The following CNTLN variants were observed in gnomAD, a reference collection of about 807,000 sequenced individuals.
The protein encoded by CNTLN is centlein, centrosomal protein.
Under a neutral mutation model 180.0 loss-of-function variants are expected in CNTLN, and 212 were observed. That is an observed-to-expected ratio of 1.18 (90% confidence interval 1.05 to 1.32). CNTLN has a LOEUF of 1.32. Ranked by LOEUF, CNTLN falls within the 40% of genes most tolerant of loss-of-function variation. The pLI is 0.00. For synonymous variants in CNTLN, 722 were observed against 563.1 expected (o/e 1.28, Z -3.99); for missense variants, 2,095 against 1,610.9 (o/e 1.30, Z -5.14).
chr9:17,166,617 A>G (rs1820087020), intron 2 of CNTLN, among the ~76,000 whole-genome samples: 1 of 152,166 alleles, frequency 6.6e-6, no homozygotes, highest in African/African-American at 2.4e-5. Context: ...AGCCACATAC[A>G]TAGAGTTAAT....
At chr9:17,185,827 C>A (rs7850279) in intron 2 of CNTLN, among the ~76,000 whole-genome samples, 29,626 of 149,118 alleles carry the variant, frequency 0.2, 3,249 homozygotes, top group African/African-American at 0.3. Flanking sequence ...GGGTCCTGCT[C>A]TGTTGCCCAG....
chr9:17,332,177 C>T lies in CNTLN; in HGVS notation c.1519-428C>T, dbSNP rs1820689378. Among the ~76,000 whole-genome samples the T allele has an allele frequency of 2.0e-5, 3 of 151,934 alleles. No homozygotes were observed. In the South Asian group the frequency reaches 6.2e-4, roughly 31 times the overall value. ...TTTATATTCCTCAAGCATATTGTTC[C>T]TTCAACTTCACAGTGTGTTAAACTA... On this transcript the variant is annotated intron_variant, in intron 9 of 25. Transcript: ENST00000380647.
chr9:17,337,586 GGCACA>G (rs1821137643), intron 10 of CNTLN, among the ~76,000 whole-genome samples: 4 of 152,100 alleles, frequency 2.6e-5, no homozygotes, highest in Non-Finnish European at 5.9e-5. Flanking sequence ...TACAGAGTCT[GGCACA>G]TCATGAATGA....
At chr9:17,416,224 T>C (rs1195350466) in intron 18 of CNTLN, 35 bp downstream of exon 18, 25 of 1,486,276 alleles carry the variant, frequency 1.7e-5, no homozygotes, top group Middle Eastern at 1.8e-4. Context: ...AGTAGTATAC[T>C]ATATTGTAAA....
intron 6 of CNTLN, among the ~76,000 whole-genome samples, chr9:17,290,543 C>G (rs934173989): frequency 1.2e-4 from 17 of 141,192 alleles, no homozygotes; most frequent in South Asian, 2.6e-4. Context: ...CCACCCAGTT[C>G]GAGCTTCCTG....
intron 6 of CNTLN, among the ~76,000 whole-genome samples, chr9:17,291,640 C>G (rs1268588670): frequency 1.3e-5 from 2 of 152,020 alleles, no homozygotes. Context: ...CTGCTTTTTT[C>G]TGCTTTCCAT....
At chr9:17,177,711 C>T (rs1234516145) in intron 2 of CNTLN, among the ~76,000 whole-genome samples, 6 of 151,886 alleles carry the variant, frequency 4.0e-5, no homozygotes, top group East Asian at 3.9e-4. Context: ...TTTGTGGTCT[C>T]GATGGCTTCA....
At chr9:17,155,173 T>A (rs1819182177) in intron 2 of CNTLN, among the ~76,000 whole-genome samples, 1 of 152,202 alleles carries the variant, frequency 6.6e-6, no homozygotes, top group South Asian at 2.1e-4. Context: ...GAACAAACTC[T>A]GGACACACCA....
At chr9:17,354,368 C>T (rs1486130040) in intron 12 of CNTLN, among the ~76,000 whole-genome samples, 5 of 152,174 alleles carry the variant, frequency 3.3e-5, no homozygotes, top group Non-Finnish European at 4.4e-5. Context: ...AGCCCCGGTG[C>T]GGGATCCACT....
intron 13 of CNTLN, among the ~76,000 whole-genome samples, chr9:17,372,839 A>T (rs1187362606): frequency 6.6e-6 from 1 of 152,180 alleles, no homozygotes; most frequent in South Asian, 2.1e-4. Flanking sequence ...ACATTAATCA[A>T]TGTGATACAT....
rs149275214 is a variant in CNTLN at position 17,468,085 on chromosome 9, T to C, written c.3855+1194T>C. Among the ~76,000 whole-genome samples, 457 of 151,748 alleles carry C rather than the reference T, an allele frequency of 3.0e-3. 14 individuals are homozygous for C. The highest frequency in any genetic ancestry group is 2.8e-4 in the Non-Finnish European group (19 of 67,722). On this transcript the variant is annotated intron_variant, in intron 23 of 25. Transcript: ENST00000380647. ...ATAGAAAAGAATGAGATCAAGTCCTTTGCAGCAACTTGAATGGAGCTGGAG... is the reference window on the plus strand; with the variant it reads ...ATAGAAAAGAATGAGATCAAGTCCTCTGCAGCAACTTGAATGGAGCTGGAG...
intron 6 of CNTLN, among the ~76,000 whole-genome samples, chr9:17,297,322 C>A (rs1328285880): frequency 2.0e-5 from 3 of 152,146 alleles, no homozygotes; most frequent in Non-Finnish European, 4.4e-5. Context: ...TGTAAATTTT[C>A]ATATTCAAAG....
chr9:17,178,591 C>T (rs1820892786), intron 2 of CNTLN, among the ~76,000 whole-genome samples: 1 of 152,122 alleles, frequency 6.6e-6, no homozygotes, highest in Admixed American at 6.5e-5. Flanking sequence ...GCAGCTAAGG[C>T]CCGGTGAGAA....
At chr9:17,454,525 G>C (rs906899423) in intron 18 of CNTLN, among the ~76,000 whole-genome samples, 5 of 152,158 alleles carry the variant, frequency 3.3e-5, no homozygotes, top group African/African-American at 1.2e-4. Context: ...TCTGTCATGG[G>C]AGAAATTACC....
chr9:17,467,018 C>T, intron 23 of CNTLN, 127 bp downstream of exon 23: 1 of 545,522 alleles, frequency 1.8e-6, no homozygotes, highest in Non-Finnish European at 3.1e-6. Flanking sequence ...CTTCTTCTAC[C>T]CTATTTATCA....
intron 2 of CNTLN, chr9:17,167,526 G>C (rs1056338616): frequency 2.6e-5 from 4 of 152,192 alleles, no homozygotes; most frequent in Non-Finnish European, 5.9e-5. Flanking sequence ...AGGCCTGATA[G>C]AACCTAAAAG....
intron 23 of CNTLN, among the ~76,000 whole-genome samples, chr9:17,481,793 T>C (rs372523443): frequency 5.3e-5 from 8 of 152,174 alleles, no homozygotes; most frequent in South Asian, 4.1e-4. Context: ...CAGCCCTGTC[T>C]GACTGCAGAG....
chr9:17,332,222 C>G (rs953084507), intron 9 of CNTLN, among the ~76,000 whole-genome samples: 1 of 151,970 alleles, frequency 6.6e-6, no homozygotes, highest in Non-Finnish European at 1.5e-5. Flanking sequence ...GAAAAAAATC[C>G]TTTCCCTCTT....
chr9:17,409,159 C>T (rs1827643696), intron 15 of CNTLN, 134 bp from the exon 16 acceptor site: 2 of 684,528 alleles, frequency 2.9e-6, no homozygotes, highest in South Asian at 1.9e-5. Flanking sequence ...ACATTGAGAA[C>T]CAGTAAATGC....
Sources: gnomAD v4.1 joint callset for allele counts (sites outside exome capture counted in the v4.1 genomes callset) on GRCh38, gnomAD v4.1.1 for gene constraint, MANE v1.5 for transcripts, NCBI Gene and HGNC (gene_info 2026-07-23, HGNC 2026-07-21) for gene names.